Variants in ASIC2 observed in about 807,000 individuals in gnomAD.
ASIC2 encodes the protein acid sensing ion channel subunit 2.
A neutral mutation model predicts 57.3 loss-of-function variants in ASIC2; 25 were observed. That is an observed-to-expected ratio of 0.44 (90% confidence interval 0.32 to 0.61). ASIC2 has a LOEUF of 0.61. ASIC2 is among the 20% of genes least tolerant of loss of function. The pLI is 0.06. For synonymous variants in ASIC2, 319 were observed against 307.5 expected (o/e 1.04, Z -0.39); for missense variants, 641 against 738.1 (o/e 0.87, Z 1.52).
chr17:33,574,072 G>A (rs1916540834), intron 1 of ASIC2, among the ~76,000 whole-genome samples: 1 of 152,206 alleles, frequency 6.6e-6, no homozygotes, highest in Non-Finnish European at 1.5e-5. Flanking sequence ...TGCACAGGGA[G>A]GAGGAGCTCT....
chr17:33,122,546 C>T (rs9905111), intron 1 of ASIC2, among the ~76,000 whole-genome samples: 56,449 of 151,812 alleles, frequency 0.37, 10,921 homozygotes, highest in Non-Finnish European at 0.41. Context: ...TTTTAATTGA[C>T]GCATTTATGA....
intron 1 of ASIC2, among the ~76,000 whole-genome samples, chr17:33,378,064 C>T (rs1288259764): frequency 6.6e-6 from 1 of 152,230 alleles, no homozygotes; most frequent in Non-Finnish European, 1.5e-5. Flanking sequence ...GCACTCTCTG[C>T]TCTATGCATG....
intron 1 of ASIC2, among the ~76,000 whole-genome samples, chr17:33,361,026 ATC>A (rs1323153840): frequency 6.6e-6 from 1 of 152,186 alleles, no homozygotes; most frequent in Non-Finnish European, 1.5e-5. Context: ...CAGATCTCTA[ATC>A]TGAGTTTCTG....
chr17:33,670,069 C>G (rs964917984), intron 1 of ASIC2, among the ~76,000 whole-genome samples: 1 of 152,130 alleles, frequency 6.6e-6, no homozygotes, highest in Non-Finnish European at 1.5e-5. Flanking sequence ...GGAGGCTGGA[C>G]TTTGGGAACC....
chr17:34,072,949 G>A (rs114317861), intron 1 of ASIC2, among the ~76,000 whole-genome samples: 100 of 152,188 alleles, frequency 6.6e-4, no homozygotes, highest in African/African-American at 2.3e-3. Flanking sequence ...TCAAAGAGAG[G>A]TCAGCGTAGA....
intron 3 of ASIC2, among the ~76,000 whole-genome samples, chr17:33,080,783 C>T (rs931017260): frequency 6.6e-5 from 10 of 152,068 alleles, no homozygotes; most frequent in African/African-American, 1.7e-4. Context: ...GACCAGCAGG[C>T]GGGCAGTGTA....
At chr17:33,509,725 G>C (rs968415826) in intron 1 of ASIC2, among the ~76,000 whole-genome samples, 1 of 152,204 alleles carries the variant, frequency 6.6e-6, no homozygotes, top group Non-Finnish European at 1.5e-5. Flanking sequence ...TGGATTGTTG[G>C]ATATGCTTAG....
chr17:33,220,629 T>C (rs1474162971), intron 1 of ASIC2, among the ~76,000 whole-genome samples: 2 of 151,400 alleles, frequency 1.3e-5, no homozygotes, highest in Non-Finnish European at 3.0e-5. Context: ...GAGGATTAAA[T>C]AAGTTAATGT....
intron 1 of ASIC2, among the ~76,000 whole-genome samples, chr17:33,568,079 T>G (rs1916302764): frequency 6.6e-6 from 1 of 152,210 alleles, no homozygotes; most frequent in Non-Finnish European, 1.5e-5. Flanking sequence ...ACATCATCCC[T>G]CAGTCACAAG....
chr17:33,116,587 A>T (rs887214954), intron 1 of ASIC2, among the ~76,000 whole-genome samples: 1 of 152,172 alleles, frequency 6.6e-6, no homozygotes, highest in Non-Finnish European at 1.5e-5. Flanking sequence ...TGTAAGAATT[A>T]ATTATGAATT....
intron 1 of ASIC2, among the ~76,000 whole-genome samples, chr17:34,100,824 C>T (rs1261853688): frequency 6.6e-6 from 1 of 152,204 alleles, no homozygotes; most frequent in Non-Finnish European, 1.5e-5. Flanking sequence ...CTACTCCCCA[C>T]TTCCTGGGCT....
intron 1 of ASIC2, among the ~76,000 whole-genome samples, chr17:34,132,496 C>G (rs561159051): frequency 6.6e-6 from 1 of 152,118 alleles, no homozygotes; most frequent in East Asian, 1.9e-4. Flanking sequence ...AAGGGTCTTT[C>G]TTTTTTCAAT....
chr17:33,712,592 C>G (rs1313400165), intron 1 of ASIC2, among the ~76,000 whole-genome samples: 1 of 145,874 alleles, frequency 6.9e-6, no homozygotes, highest in African/African-American at 2.5e-5. Context: ...CAAGGCTCAA[C>G]TGCATGTGAG....
intron 1 of ASIC2, among the ~76,000 whole-genome samples, chr17:33,682,678 A>G (rs1908047852): frequency 6.6e-6 from 1 of 152,128 alleles, no homozygotes; most frequent in African/African-American, 2.4e-5. Flanking sequence ...TTTAATGTTT[A>G]ATTAAGAAGT....
chr17:34,065,088 G>A (rs1192092191), intron 1 of ASIC2, among the ~76,000 whole-genome samples: 2 of 152,174 alleles, frequency 1.3e-5, no homozygotes, highest in African/African-American at 4.8e-5. Context: ...CATGTTTATA[G>A]CAGCACAATT....
At chr17:33,294,555 C>T (rs1456615874), upstream of ASIC2, among the ~76,000 whole-genome samples, 5 of 152,010 alleles carry the variant, frequency 3.3e-5, no homozygotes, top group African/African-American at 1.2e-4. Flanking sequence ...CTGAGCCCCT[C>T]ATTTCCCACT....
At chr17:33,880,329 G>T (rs1350996292) in intron 1 of ASIC2, among the ~76,000 whole-genome samples, 5 of 151,938 alleles carry the variant, frequency 3.3e-5, no homozygotes, top group African/African-American at 1.2e-4. Context: ...TGGTTTTTTT[G>T]AAAAGATCAA....
chr17:33,633,015 C>G (rs1906224571), intron 1 of ASIC2, among the ~76,000 whole-genome samples: 2 of 152,188 alleles, frequency 1.3e-5, no homozygotes, highest in African/African-American at 4.8e-5. Flanking sequence ...CTTTTGCTCC[C>G]TGCTGGCTTC....
Position 34,082,898 on chromosome 17 carries a change from T to G in ASIC2, c.555+73080A>C, listed in dbSNP as rs75814422. Among the ~76,000 whole-genome samples, 962 of 152,336 alleles carry G rather than the reference T, an allele frequency of 6.3e-3. 14 individuals carry two copies. Among genetic ancestry groups the G allele is most frequent in the African/African-American group, 0.022 (928 of 41,574 alleles). On this transcript the variant is annotated intron_variant, in intron 1 of 9. Coordinates refer to the ASIC2 transcript ENST00000359872. ...GCTCCTTCTTCTGCTTCATTTCTTG[T>G]CTCCTACAATGGGAAGAAGTTTTTG...
Sources: allele counts gnomAD v4.1 joint callset (sites outside exome capture counted in the v4.1 genomes callset), GRCh38; gene constraint gnomAD v4.1.1; transcripts MANE v1.5; gene names NCBI Gene and HGNC (gene_info 2026-07-23, HGNC 2026-07-21).